Variants in DPH6 observed in about 807,000 individuals in gnomAD.
DPH6 encodes diphthine--ammonia ligase.
DPH6 carries 33 observed loss-of-function variants against 38.2 expected under a neutral mutation model. That is an observed-to-expected ratio of 0.86 (90% CI 0.65 to 1.15). The LOEUF is 1.15. Among genes scored for constraint, DPH6 ranks in the 50% most tolerant of loss-of-function variants. The probability of loss-of-function intolerance (pLI) is 0.00; values close to 1 mark genes in which losing one functional copy is unlikely to be tolerated. For missense variants in DPH6, 325 were observed against 320.0 expected (o/e 1.02, Z -0.12); for synonymous variants, 108 against 103.0 (o/e 1.05, Z -0.30).
intron 3 of DPH6, among the ~76,000 whole-genome samples, chr15:35,336,057 C>T (rs188095408): frequency 4.4e-4 from 67 of 152,182 alleles, no homozygotes; most frequent in Non-Finnish European, 7.8e-4. Flanking sequence ...TTTCTTTGAG[C>T]AGTAGTTTCT....
intron 5 of DPH6, among the ~76,000 whole-genome samples, chr15:35,450,058 T>C (rs1229912549): frequency 6.6e-6 from 1 of 152,102 alleles, no homozygotes; most frequent in Non-Finnish European, 1.5e-5. Flanking sequence ...TGAATATAAT[T>C]ATAGAAATTC....
At chr15:35,193,660 TACAA>T in the DPH6 span, among the ~76,000 whole-genome samples, 3 of 152,338 alleles carry the variant, frequency 2.0e-5, no homozygotes, top group South Asian at 6.2e-4. Context: ...CTTAGATTAC[TACAA>T]ACAGTCTTGG....
chr15:35,446,476 C>G (rs771881693), intron 5 of DPH6, among the ~76,000 whole-genome samples: 1 of 151,924 alleles, frequency 6.6e-6, no homozygotes, highest in Non-Finnish European at 1.5e-5. Flanking sequence ...ATCTTGGGCT[C>G]CTAAAGTCCT....
intron 6 of DPH6, among the ~76,000 whole-genome samples, chr15:35,386,115 G>C (rs1005436645): frequency 9.2e-5 from 14 of 152,092 alleles, no homozygotes; most frequent in Non-Finnish European, 1.9e-4. Flanking sequence ...TTTTGTCCTT[G>C]TGATAGTTTG....
chr15:35,411,166 T>A (rs1056601288), intron 5 of DPH6, among the ~76,000 whole-genome samples: 5 of 151,706 alleles, frequency 3.3e-5, no homozygotes, highest in Non-Finnish European at 7.4e-5. Flanking sequence ...TTTATCCATT[T>A]TGAGGAGCAG....
Position 35,381,823 on chromosome 15 carries a change from C to T in DPH6, c.661G>A (p.Val221Met), listed in dbSNP as rs1338930124. 3.1e-6 allele frequency: 5 copies of T among 1,606,486 alleles called. No homozygotes were observed. In the Admixed American group the frequency reaches 8.4e-5, roughly 27 times the overall value. ...DCPLFKKKII[V>M]DSSEVVIHSA... ...GAAAATGCTGAAATGATATCTTACACAATTATTTTCTTCTTAAATAGAGGG... is the reference window on the plus strand; with the variant it reads ...GAAAATGCTGAAATGATATCTTACATAATTATTTTCTTCTTAAATAGAGGG... The change falls in exon 7 of 9, where the codon GTG becomes ATG. Residue 221 changes from valine to methionine, a missense_variant and splice_region_variant. Physicochemically the swap from Val to Met is conservative, Grantham distance 21. Coordinates refer to ENST00000256538, the MANE Select transcript of DPH6 (RefSeq NM_080650.4).
chr15:35,370,550 G>C (rs2052702458), downstream of DPH6, among the ~76,000 whole-genome samples: 2 of 151,812 alleles, frequency 1.3e-5, no homozygotes, highest in African/African-American at 4.8e-5. Context: ...TCTCACCAAA[G>C]GAGATACACA....
chr15:35,545,220 T>C (rs371270042), intron 1 of DPH6, among the ~76,000 whole-genome samples: 10 of 152,344 alleles, frequency 6.6e-5, no homozygotes, highest in African/African-American at 2.2e-4. Context: ...CAAAATCTCA[T>C]GAAACAAGTA....
chr15:35,285,872 G>GGTTTTTTTTTTTTTT (rs1555391167), intron 3 of DPH6, among the ~76,000 whole-genome samples: 9 of 52,794 alleles, frequency 1.7e-4, no homozygotes, highest in African/African-American at 6.0e-4. Flanking sequence ...TTATCTTTGA[G>GGTTTTTTTTTTTTTT]TTTTTTTTTT....
chr15:35,258,579 A>T (rs927397274), intron 3 of DPH6, among the ~76,000 whole-genome samples: 6 of 152,198 alleles, frequency 3.9e-5, no homozygotes, highest in African/African-American at 1.2e-4. Flanking sequence ...CTAGGCTTAG[A>T]GCTTAATGTC....
intron 1 of DPH6, among the ~76,000 whole-genome samples, chr15:35,542,965 T>TATATATATATATATAAAAATATATAA (rs58422347): frequency 1.3e-5 from 1 of 76,178 alleles, no homozygotes; most frequent in Non-Finnish European, 2.6e-5. Flanking sequence ...TATATATATA[T>TATATATATATATATAAAAATATATAA]AAAATAATTT....
chr15:35,184,405 A>C, the DPH6 span, among the ~76,000 whole-genome samples: 1 of 152,196 alleles, frequency 6.6e-6, no homozygotes. Context: ...TAAACTCATA[A>C]TCCTCCCACT....
At chr15:35,418,108 G>A (rs1252353988) in intron 5 of DPH6, among the ~76,000 whole-genome samples, 3 of 151,882 alleles carry the variant, frequency 2.0e-5, no homozygotes, top group Non-Finnish European at 4.4e-5. Context: ...TAAAGCTTGG[G>A]TCGTGAACAG....
At chr15:35,152,365 C>G in the DPH6 span, among the ~76,000 whole-genome samples, 4 of 152,000 alleles carry the variant, frequency 2.6e-5, no homozygotes, top group Admixed American at 1.3e-4. Context: ...CAGTTGACAT[C>G]AGCATATTAA....
At chr15:35,200,458 A>G in the DPH6 span, among the ~76,000 whole-genome samples, 3 of 152,198 alleles carry the variant, frequency 2.0e-5, no homozygotes, top group Non-Finnish European at 4.4e-5. Flanking sequence ...GACATTAAAA[A>G]AGATTATTTG....
intron 3 of DPH6, among the ~76,000 whole-genome samples, chr15:35,482,640 T>C (rs1036913369): frequency 2.0e-5 from 3 of 152,166 alleles, no homozygotes; most frequent in Admixed American, 2.0e-4. Flanking sequence ...AACAAAAGTA[T>C]AGATACAACT....
At chr15:35,297,156 C>G (rs1336835624) in intron 3 of DPH6, among the ~76,000 whole-genome samples, 1 of 152,132 alleles carries the variant, frequency 6.6e-6, no homozygotes, top group African/African-American at 2.4e-5. Context: ...TCAGTTTTAT[C>G]CTTTTTCATG....
At chr15:35,386,650 G>T (rs1024472436) in intron 6 of DPH6, among the ~76,000 whole-genome samples, 8 of 152,166 alleles carry the variant, frequency 5.3e-5, no homozygotes, top group African/African-American at 1.9e-4. Flanking sequence ...CTTCTTTTGA[G>T]AAGTGTCTGT....
intron 3 of DPH6, among the ~76,000 whole-genome samples, chr15:35,238,940 A>C (rs1595441268): frequency 7.0e-6 from 1 of 143,734 alleles, no homozygotes; most frequent in Non-Finnish European, 1.5e-5. Flanking sequence ...AAACGGCCCC[A>C]CCCTTATCTC....
Sources: gnomAD v4.1 joint callset for allele counts (sites outside exome capture counted in the v4.1 genomes callset) on GRCh38, gnomAD v4.1.1 for gene constraint, MANE v1.5 for transcripts, NCBI Gene and HGNC (gene_info 2026-07-23, HGNC 2026-07-21) for gene names.